Variants in GALNT10 observed in about 807,000 individuals in gnomAD.
GALNT10 encodes the protein GalNAc transferase 10.
In GALNT10, 41 loss-of-function variants were observed where a neutral mutation model predicts 75.0. That is an observed-to-expected ratio of 0.55 (90% CI 0.43 to 0.71). The LOEUF is 0.71. Among genes scored for constraint, GALNT10 ranks in the 30% least tolerant of loss-of-function variants. The pLI, the probability that GALNT10 is intolerant of heterozygous loss-of-function variation, is 0.00. For synonymous variants in GALNT10, 302 were observed against 313.0 expected (o/e 0.96, Z 0.37); for missense variants, 727 against 818.5 (o/e 0.89, Z 1.36).
At chr5:154,371,631 G>A (rs1049500063) in intron 4 of GALNT10, among the ~76,000 whole-genome samples, 3 of 151,550 alleles carry the variant, frequency 2.0e-5, no homozygotes, top group Admixed American at 1.3e-4. Context: ...TGTGGGAAGC[G>A]TGGGCCCTGA....
At chr5:154,193,977 A>T (rs537469477) in intron 1 of GALNT10, among the ~76,000 whole-genome samples, 1 of 152,340 alleles carries the variant, frequency 6.6e-6, no homozygotes, top group Non-Finnish European at 1.5e-5. Flanking sequence ...GCCAGCCTTG[A>T]AGACATCTTC....
At chr5:154,337,958 G>C in intron 4 of GALNT10, 2 of 1,575,600 alleles carry the variant, frequency 1.3e-6, no homozygotes, top group Admixed American at 1.7e-5. Flanking sequence ...TATCCACGGA[G>C]TCATGGTCGT....
intron 1 of GALNT10, among the ~76,000 whole-genome samples, chr5:154,211,022 A>C (rs1038783418): frequency 1.3e-5 from 2 of 152,266 alleles, no homozygotes; most frequent in Non-Finnish European, 2.9e-5. Flanking sequence ...ATGTGGATAA[A>C]GGATATACAG....
At chr5:154,279,312 T>G (rs1401818961) in intron 1 of GALNT10, among the ~76,000 whole-genome samples, 4 of 150,606 alleles carry the variant, frequency 2.7e-5, no homozygotes, top group African/African-American at 9.8e-5. Context: ...TTGTTTTTTT[T>G]TTTTTTTTGA....
At chr5:154,241,872 C>T (rs1753341667) in intron 1 of GALNT10, among the ~76,000 whole-genome samples, 1 of 152,186 alleles carries the variant, frequency 6.6e-6, no homozygotes, top group Non-Finnish European at 1.5e-5. Flanking sequence ...TTGGAGTCAT[C>T]ATAAGGCTTT....
chr5:154,197,911 G>A (rs1774970168), intron 1 of GALNT10, among the ~76,000 whole-genome samples: 1 of 152,146 alleles, frequency 6.6e-6, no homozygotes, highest in Non-Finnish European at 1.5e-5. Flanking sequence ...CTGACCTAGT[G>A]CTGAGTCCTT....
chr5:154,247,072 T>C (rs1169474736), intron 1 of GALNT10, among the ~76,000 whole-genome samples: 3 of 152,248 alleles, frequency 2.0e-5, no homozygotes, highest in Admixed American at 6.5e-5. Context: ...AGGGAATGCT[T>C]TCCCCATTTC....
chr5:154,321,463 A>G (rs1332890139), intron 3 of GALNT10, among the ~76,000 whole-genome samples: 1 of 151,918 alleles, frequency 6.6e-6, no homozygotes, highest in Non-Finnish European at 1.5e-5. Context: ...GCCCACCACT[A>G]CACCCGGCTA....
intron 1 of GALNT10, among the ~76,000 whole-genome samples, chr5:154,220,770 GT>G (rs1752965352): frequency 6.6e-6 from 1 of 152,194 alleles, no homozygotes; most frequent in Non-Finnish European, 1.5e-5. Context: ...AGAAGTCCAG[GT>G]ACCTTTCTGA....
intron 3 of GALNT10, among the ~76,000 whole-genome samples, chr5:154,328,103 G>T (rs1754784018): frequency 6.6e-6 from 1 of 150,910 alleles, no homozygotes; most frequent in African/African-American, 2.4e-5. Context: ...AAGGAGGGCA[G>T]AAGCTTATGT....
At chr5:154,254,863 T>G (rs1293503352) in intron 1 of GALNT10, among the ~76,000 whole-genome samples, 1 of 152,202 alleles carries the variant, frequency 6.6e-6, no homozygotes, top group East Asian at 1.9e-4. Context: ...ATTTAGCAGC[T>G]CAATAATGTC....
chr5:154,292,635 C>T (rs1054641304), intron 1 of GALNT10, among the ~76,000 whole-genome samples: 2 of 152,200 alleles, frequency 1.3e-5, no homozygotes, highest in Non-Finnish European at 2.9e-5. Context: ...GTTTCTCTGT[C>T]TGTGGTATAG....
chr5:154,369,164 G>A (rs954200640), intron 4 of GALNT10, among the ~76,000 whole-genome samples: 1 of 152,128 alleles, frequency 6.6e-6, no homozygotes, highest in African/African-American at 2.4e-5. Context: ...GAAGTGGGTG[G>A]ATCACTTCAG....
chr5:154,269,021 C>A (rs1363804155), intron 1 of GALNT10, among the ~76,000 whole-genome samples: 1 of 151,718 alleles, frequency 6.6e-6, no homozygotes, highest in Non-Finnish European at 1.5e-5. Flanking sequence ...ATCTGAGATG[C>A]CCTCATCTCA....
At chr5:154,401,917 A>T (rs1053440073) in intron 7 of GALNT10, among the ~76,000 whole-genome samples, 1 of 152,056 alleles carries the variant, frequency 6.6e-6, no homozygotes, top group South Asian at 2.1e-4. Flanking sequence ...CCTGCCCCCC[A>T]TTCCACAAAT....
chr5:154,407,691 T>C (rs1275795674), intron 8 of GALNT10, among the ~76,000 whole-genome samples: 3 of 152,226 alleles, frequency 2.0e-5, no homozygotes, highest in South Asian at 2.1e-4. Flanking sequence ...AGAGTGTTCA[T>C]GTAGACAGTC....
chr5:154,224,873 C>T (rs34668934), intron 1 of GALNT10, among the ~76,000 whole-genome samples: 26,978 of 150,986 alleles, frequency 0.18, 2,652 homozygotes, highest in Non-Finnish European at 0.23. Context: ...CTCCACTTCC[C>T]GGGTTCAAGT....
chr5:154,351,801 G>A (rs1755207177), intron 4 of GALNT10, among the ~76,000 whole-genome samples: 1 of 152,148 alleles, frequency 6.6e-6, no homozygotes, highest in Non-Finnish European at 1.5e-5. Context: ...TTTAATAAAG[G>A]AAAATGACTT....
intron 3 of GALNT10, among the ~76,000 whole-genome samples, chr5:154,328,621 G>C (rs1754793337): frequency 6.6e-6 from 1 of 152,170 alleles, no homozygotes; most frequent in South Asian, 2.1e-4. Flanking sequence ...CCTGGAGTTA[G>C]AGTCAGATCC....
Sources: gnomAD v4.1 joint callset for allele counts (sites outside exome capture counted in the v4.1 genomes callset) on GRCh38, gnomAD v4.1.1 for gene constraint, MANE v1.5 for transcripts, NCBI Gene and HGNC (gene_info 2026-07-23, HGNC 2026-07-21) for gene names.